The following LRRIQ3 variants were observed in gnomAD, a reference collection of about 807,000 sequenced individuals.
LRRIQ3 encodes the protein leucine-rich repeat and IQ domain-containing protein 3.
Under a neutral mutation model 59.3 loss-of-function variants are expected in LRRIQ3, and 75 were observed. That is an observed-to-expected ratio of 1.26 (90% CI 1.05 to 1.53). The LOEUF (loss-of-function observed/expected upper bound fraction) is 1.53, where lower values mean the gene tolerates loss of function less well. Ranked by LOEUF, LRRIQ3 falls within the 40% of genes most tolerant of loss-of-function variation. The pLI is 0.00. For missense variants in LRRIQ3, 831 were observed against 710.0 expected (o/e 1.17, Z -1.94); for synonymous variants, 250 against 231.3 (o/e 1.08, Z -0.73).
At position 74,178,397 on chromosome 1, in the gene LRRIQ3, C is replaced by A. The variant is rs574021488; in HGVS notation, c.573+4141G>T. 4.6e-5 allele frequency among the ~76,000 whole-genome samples: 7 copies of A among 151,802 alleles called. No homozygotes were observed. The South Asian group carries it at 1.0e-3, about 23-fold the overall frequency. ...TTTTATCTTTTGTATTTTTTGAAAG[C>A]AAAAACACGTTAAATTTTACAAAAA... On this transcript the variant is annotated intron_variant, in intron 3 of 7. Coordinates refer to ENST00000354431, the MANE Select transcript of LRRIQ3 (RefSeq NM_001105659.2).
chr1:74,038,044 C>T (rs1163539822), intron 7 of LRRIQ3, among the ~76,000 whole-genome samples: 7 of 152,226 alleles, frequency 4.6e-5, no homozygotes, highest in Admixed American at 3.9e-4. Flanking sequence ...AGACTGATAG[C>T]TGCCTAACAC....
chr1:74,153,588 A>T (rs1423136468), intron 4 of LRRIQ3, among the ~76,000 whole-genome samples: 2 of 152,174 alleles, frequency 1.3e-5, no homozygotes, highest in Admixed American at 1.3e-4. Context: ...TTGAGCACCT[A>T]ACATGTGTCA....
intron 6 of LRRIQ3, among the ~76,000 whole-genome samples, chr1:74,059,198 C>A (rs1349838946): frequency 1.3e-5 from 2 of 151,850 alleles, no homozygotes; most frequent in East Asian, 3.9e-4. Flanking sequence ...TTTATTTTTT[C>A]AACTTTGATG....
chr1:74,160,341 A>G (rs187191069), intron 3 of LRRIQ3, among the ~76,000 whole-genome samples: 3 of 152,140 alleles, frequency 2.0e-5, no homozygotes, highest in Non-Finnish European at 4.4e-5. Flanking sequence ...CAACACCTCT[A>G]TTTGCCTAGT....
At chr1:74,127,578 CAAA>C (rs1159498386) in intron 4 of LRRIQ3, among the ~76,000 whole-genome samples, 2 of 151,590 alleles carry the variant, frequency 1.3e-5, no homozygotes, top group Non-Finnish European at 2.9e-5. Context: ...ATTGTATAAA[CAAA>C]AAAAGAGAAT....
intron 1 of LRRIQ3, among the ~76,000 whole-genome samples, chr1:74,192,772 G>C (rs1650848883): frequency 6.6e-6 from 1 of 151,962 alleles, no homozygotes; most frequent in Admixed American, 6.6e-5. Flanking sequence ...GAAAAAACTA[G>C]TATTCTATAT....
chr1:74,157,356 C>A (rs1416569849), intron 3 of LRRIQ3, among the ~76,000 whole-genome samples: 1 of 151,902 alleles, frequency 6.6e-6, no homozygotes, highest in Non-Finnish European at 1.5e-5. Context: ...CTTTTTTTGT[C>A]TAAGATTGGC....
At chr1:74,109,264 A>G (rs1344448776) in intron 5 of LRRIQ3, 130 bp downstream of exon 5, 3 of 731,484 alleles carry the variant, frequency 4.1e-6, no homozygotes, top group African/African-American at 1.8e-5. Flanking sequence ...ATCAAAAAAT[A>G]TAAAGCAGGA....
At chr1:74,031,781 G>T (rs965013471) in intron 7 of LRRIQ3, among the ~76,000 whole-genome samples, 22 of 151,682 alleles carry the variant, frequency 1.5e-4, no homozygotes, top group African/African-American at 5.1e-4. Flanking sequence ...ATTTAAAAAA[G>T]TCTTAGAGAA....
chr1:74,066,904 G>A (rs1017033088), intron 6 of LRRIQ3, among the ~76,000 whole-genome samples: 2 of 152,080 alleles, frequency 1.3e-5, no homozygotes, highest in Admixed American at 6.6e-5. Context: ...CTAAAGCAAC[G>A]AAATAAAGAG....
At position 74,131,937 on chromosome 1, in the gene LRRIQ3, G is replaced by T. The variant is rs930618671; in HGVS notation, c.708-22384C>A. The stretch of plus-strand genomic sequence containing the variant: ...AATTAGGAAAAGAGGAAGTCAAATT[G>T]TTCCTGTTTGCAGATGAAATGACTG... On this transcript the variant is annotated intron_variant, in intron 4 of 7. Transcript: ENST00000354431. Among the ~76,000 whole-genome samples the T allele has an allele frequency of 3.3e-5, 5 of 152,100 alleles. No homozygotes were observed. In the East Asian group the frequency reaches 5.8e-4, roughly 18 times the overall value.
intron 5 of LRRIQ3, chr1:74,082,846 A>G (rs1010785192): frequency 6.6e-6 from 1 of 151,666 alleles, no homozygotes; most frequent in Non-Finnish European, 1.5e-5. Context: ...AATTGACTCA[A>G]TAACAATTAC....
At chr1:74,135,541 A>C (rs1466525531) in intron 4 of LRRIQ3, among the ~76,000 whole-genome samples, 3 of 151,938 alleles carry the variant, frequency 2.0e-5, no homozygotes, top group Non-Finnish European at 4.4e-5. Context: ...AAATCAACAA[A>C]GTATGTTCAG....
intron 5 of LRRIQ3, among the ~76,000 whole-genome samples, chr1:74,108,607 C>A (rs1646645317): frequency 6.6e-6 from 1 of 151,674 alleles, no homozygotes; most frequent in Non-Finnish European, 1.5e-5. Flanking sequence ...TTAGGCTACT[C>A]AAGCAGAGAG....
At chr1:74,104,800 C>G (rs372401259) in intron 5 of LRRIQ3, among the ~76,000 whole-genome samples, 2 of 152,004 alleles carry the variant, frequency 1.3e-5, no homozygotes, top group Middle Eastern at 3.4e-3. Context: ...AACAATGAAC[C>G]GCAATGGAAA....
chr1:74,048,152 A>G (rs1005515744), intron 6 of LRRIQ3, among the ~76,000 whole-genome samples: 1 of 152,176 alleles, frequency 6.6e-6, no homozygotes, highest in Non-Finnish European at 1.5e-5. Flanking sequence ...GACAGCTTGA[A>G]CAGACTAACA....
intron 7 of LRRIQ3, among the ~76,000 whole-genome samples, chr1:74,040,865 C>G (rs1335062847): frequency 6.6e-6 from 1 of 152,282 alleles, no homozygotes; most frequent in South Asian, 2.1e-4. Context: ...GACACCCTAA[C>G]ATCAGAATTA....
chr1:74,063,115 A>C (rs797009456), intron 6 of LRRIQ3, among the ~76,000 whole-genome samples: 1 of 151,786 alleles, frequency 6.6e-6, no homozygotes, highest in Admixed American at 6.6e-5. Context: ...AAAAAACCCC[A>C]AAACCAAACA....
At chr1:74,181,155 C>T in intron 3 of LRRIQ3, 1 of 212,650 alleles carries the variant, frequency 4.7e-6, no homozygotes, top group East Asian at 1.2e-4. Context: ...ATGGCATTCA[C>T]TGAATATGTG....
Sources: allele counts gnomAD v4.1 joint callset (sites outside exome capture counted in the v4.1 genomes callset), GRCh38; gene constraint gnomAD v4.1.1; transcripts MANE v1.5; gene names NCBI Gene and HGNC (gene_info 2026-07-23, HGNC 2026-07-21).